The following RNF111 variants were observed in gnomAD, a reference collection of about 807,000 sequenced individuals.
RNF111 encodes E3 ubiquitin-protein ligase Arkadia.
A neutral mutation model predicts 95.1 loss-of-function variants in RNF111; 17 were observed. The observed-to-expected ratio is 0.18, with a 90% CI of 0.12 to 0.27. The LOEUF (loss-of-function observed/expected upper bound fraction) is 0.27, where lower values mean the gene tolerates loss of function less well. Ranked by LOEUF, RNF111 falls within the 10% of genes least tolerant of loss-of-function variation. The probability of loss-of-function intolerance (pLI) is 1.00; values close to 1 mark genes in which losing one functional copy is unlikely to be tolerated. For missense variants in RNF111, 1,189 were observed against 1,210.4 expected (o/e 0.98, Z 0.26); for synonymous variants, 440 against 414.8 (o/e 1.06, Z -0.74).
intron 6 of RNF111, among the ~76,000 whole-genome samples, chr15:59,069,965 T>C (rs1315723975): frequency 4.0e-5 from 6 of 149,632 alleles, no homozygotes; most frequent in Non-Finnish European, 4.4e-5. Context: ...TGATATGATA[T>C]GGCTTTCATC....
At chr15:59,022,504 A>G (rs1056483102) in intron 1 of RNF111, among the ~76,000 whole-genome samples, 1 of 152,166 alleles carries the variant, frequency 6.6e-6, no homozygotes. Context: ...TTTCCTTTTT[A>G]TAGCATGAGC....
At chr15:59,085,287 C>G (rs943891320) in intron 9 of RNF111, among the ~76,000 whole-genome samples, 15 of 152,092 alleles carry the variant, frequency 9.9e-5, no homozygotes, top group African/African-American at 3.6e-4. Context: ...ATCTAGCAAA[C>G]AAAAACCCAG....
At chr15:59,078,820 C>T (rs1488195473) in intron 7 of RNF111, among the ~76,000 whole-genome samples, 1 of 150,386 alleles carries the variant, frequency 6.6e-6, no homozygotes, top group African/African-American at 2.5e-5. Context: ...GATCACACCA[C>T]TGCACTCCAG....
rs776133198 is a variant in RNF111 at position 59,028,183 on chromosome 15, C to T, written c.-19-2621C>T. On this transcript the variant is annotated intron_variant, in intron 1 of 13. Coordinates refer to ENST00000348370, the MANE Select transcript of RNF111 (RefSeq NM_017610.8). ...GATGATCCCCAGCCCTAGGTAACCA[C>T]ATTCTATCTATGTAGATTTGCCTAT... 6.7e-4 allele frequency among the ~76,000 whole-genome samples: 102 copies of T among 152,310 alleles called. 2 individuals are homozygous for T. The highest frequency in any genetic ancestry group is 1.2e-4 in the Non-Finnish European group (8 of 68,020).
At chr15:59,067,221 TC>T (rs1231851611) in intron 6 of RNF111, 138 bp downstream of exon 6, 2 of 702,908 alleles carry the variant, frequency 2.8e-6, no homozygotes, top group Non-Finnish European at 2.3e-6. Flanking sequence ...CTTTCTTCCC[TC>T]CCTGCCTCCC....
intron 1 of RNF111, among the ~76,000 whole-genome samples, chr15:58,998,026 T>C (rs1328219553): frequency 6.6e-6 from 1 of 151,682 alleles, no homozygotes; most frequent in Non-Finnish European, 1.5e-5. Context: ...TGCCTCAGGC[T>C]CCCTAGTAGC....
intron 10 of RNF111, among the ~76,000 whole-genome samples, chr15:59,087,775 C>T (rs2078939022): frequency 6.6e-6 from 1 of 152,098 alleles, no homozygotes; most frequent in African/African-American, 2.4e-5. Flanking sequence ...TAAGCAGACC[C>T]ATGCAGTTCA....
chr15:59,092,962 A>C lies in RNF111; in HGVS notation c.2843+322A>C, dbSNP rs374426980. On this transcript the variant is annotated intron_variant, in intron 13 of 13. Coordinates refer to ENST00000348370, the MANE Select transcript of RNF111 (RefSeq NM_017610.8). ...CTGCAGTGAGCTTTGAGCACACCAC[A>C]CTGCACTCCAGCCTGGGCAATAGAG... Among the ~76,000 whole-genome samples, 3 of 152,340 alleles carry C rather than the reference A, an allele frequency of 2.0e-5. No homozygotes were observed. In the East Asian group the frequency reaches 5.8e-4, roughly 29 times the overall value.
chr15:59,012,082 G>A (rs1040730799), intron 1 of RNF111, among the ~76,000 whole-genome samples: 9 of 133,680 alleles, frequency 6.7e-5, no homozygotes, highest in Non-Finnish European at 1.4e-4. Context: ...TGAGTGGTGC[G>A]ATCTTGCGTC....
At chr15:59,087,902 T>C (rs1352149180) in intron 10 of RNF111, among the ~76,000 whole-genome samples, 5 of 152,178 alleles carry the variant, frequency 3.3e-5, no homozygotes. Flanking sequence ...TATTGGTCTT[T>C]TGTGTCAGAA....
chr15:59,093,570 C>T, intron 13 of RNF111: 2 of 280,274 alleles, frequency 7.1e-6, no homozygotes, highest in Non-Finnish European at 1.4e-5. Context: ...TAGGACTATT[C>T]CCTTCTTGCA....
chr15:59,092,678 A>C, intron 13 of RNF111, 38 bp downstream of exon 13: 1 of 1,557,558 alleles, frequency 6.4e-7, no homozygotes, highest in South Asian at 1.2e-5. Context: ...CATTGTCAAA[A>C]CTGTACATGG....
At chr15:59,067,125 G>A (rs763550088) in intron 6 of RNF111, 42 bp downstream of exon 6, 2 of 1,449,332 alleles carry the variant, frequency 1.4e-6, no homozygotes, top group Non-Finnish European at 9.6e-7. Flanking sequence ...TGCCCCTCTT[G>A]TCTCTCTCTC....
chr15:58,996,207 C>G (rs2039065535), intron 1 of RNF111, among the ~76,000 whole-genome samples: 1 of 152,088 alleles, frequency 6.6e-6, no homozygotes, highest in African/African-American at 2.4e-5. Flanking sequence ...ATACTTTTAA[C>G]TATTTTTAAC....
chr15:59,092,658 A>G lies in RNF111; in HGVS notation c.2843+18A>G. The G allele has an allele frequency of 3.1e-6, 5 of 1,592,256 alleles. No homozygotes were observed. The highest frequency in any genetic ancestry group is 4.3e-6 in the Non-Finnish European group (5 of 1,167,442). On this transcript the variant is annotated intron_variant, in intron 13 of 13. Coordinates refer to ENST00000348370, the MANE Select transcript of RNF111 (RefSeq NM_017610.8). ...GATGTGAGGTAACTAGATATTAATT[A>G]TCTAAAATCCATTGTCAAAACTGTA...
chr15:59,072,868 C>A (rs1271478847), intron 6 of RNF111, among the ~76,000 whole-genome samples: 5 of 142,410 alleles, frequency 3.5e-5, no homozygotes, highest in Non-Finnish European at 7.5e-5. Context: ...TGGGGCCCTG[C>A]AATTTTTTTA....
intron 1 of RNF111, among the ~76,000 whole-genome samples, chr15:58,993,539 A>G (rs527442808): frequency 9.8e-4 from 150 of 152,336 alleles, no homozygotes; most frequent in Non-Finnish European, 1.6e-3. Context: ...CTCCATCTCA[A>G]AATTTGTGAA....
intron 2 of RNF111, among the ~76,000 whole-genome samples, chr15:59,041,891 G>A (rs1596173729): frequency 1.4e-5 from 2 of 146,438 alleles, no homozygotes; most frequent in Non-Finnish European, 1.5e-5. Flanking sequence ...AATGTGTAAT[G>A]TGTATCTTTT....
At position 59,035,628 on chromosome 15, in the gene RNF111, A is replaced by G. The variant is rs566380991; in HGVS notation, c.880+3926A>G. Among the ~76,000 whole-genome samples the G allele has an allele frequency of 2.6e-5, 4 of 152,244 alleles. No homozygotes were observed. The East Asian group carries it at 5.8e-4, about 22-fold the overall frequency. ...ATTTTTATGCTCTGCTTCCTCTCGA[A>G]TGGTTTGCTCTTAGAAATTACTTTT... On this transcript the variant is annotated intron_variant, in intron 2 of 13. Coordinates refer to ENST00000348370, the MANE Select transcript of RNF111 (RefSeq NM_017610.8).
Sources: allele counts gnomAD v4.1 joint callset (sites outside exome capture counted in the v4.1 genomes callset), GRCh38; gene constraint gnomAD v4.1.1; transcripts MANE v1.5; gene names NCBI Gene and HGNC (gene_info 2026-07-23, HGNC 2026-07-21).